Variants in RHD observed in about 807,000 individuals in gnomAD.
The protein encoded by RHD is Rh blood group D antigen, also known as blood group Rh(D) polypeptide.
A neutral mutation model predicts 45.5 loss-of-function variants in RHD; 16 were observed. The observed-to-expected ratio is 0.35, with a 90% CI of 0.24 to 0.53. The LOEUF is 0.53. Among genes scored for constraint, RHD ranks in the 20% least tolerant of loss-of-function variants. The pLI, the probability that RHD is intolerant of heterozygous loss-of-function variation, is 0.92. For synonymous variants in RHD, 131 were observed against 217.5 expected (o/e 0.60, Z 3.50); for missense variants, 306 against 532.0 (o/e 0.58, Z 4.18).
In RHD at chr1:25,289,288, G is replaced by A. The variant is rs535404967; in HGVS notation, c.336-1353G>A. Among the ~76,000 whole-genome samples the A allele has an allele frequency of 5.3e-5, 7 of 131,410 alleles. No individual in the cohort carries two copies. The East Asian group carries it at 9.8e-4, about 18-fold the overall frequency. 86.2% of individuals were successfully genotyped at this position (131,410 alleles called of 152,430 possible). ...CGGCCCACTGAAACCTCTGCCTCCC[G>A]GGTTCAAGCGACTGCCATGCCTCAG... On this transcript the variant is annotated intron_variant, in intron 2 of 9. Coordinates refer to ENST00000328664, the MANE Select transcript of RHD (RefSeq NM_016124.6).
chr1:25,300,542 G>C lies in RHD; in HGVS notation c.487-404G>C, dbSNP rs1242970425. Among the ~76,000 whole-genome samples the C allele has an allele frequency of 2.2e-4, 28 of 128,844 alleles. 5 individuals are homozygous for C. Among genetic ancestry groups the C allele is most frequent in the African/African-American group, 6.1e-4 (23 of 37,400 alleles). The allele number at this position is 128,844 out of a possible 152,430, so 84.5% of individuals were successfully genotyped here. A position where few individuals can be genotyped will look rare whatever the true frequency, so the allele number is the denominator to read the frequency against. On this transcript the variant is annotated intron_variant, in intron 3 of 9. Coordinates refer to ENST00000328664, the MANE Select transcript of RHD (RefSeq NM_016124.6). Reference sequence around the variant, plus strand: ...AAAAAAAAAAAGGCCAGGCGCAGTGGCTCATGCCTGTAATCCCAGCACTTT... The same window carrying C: ...AAAAAAAAAAAGGCCAGGCGCAGTGCCTCATGCCTGTAATCCCAGCACTTT...
At chr1:25,310,429 G>T (rs1391343960) in intron 7 of RHD, among the ~76,000 whole-genome samples, 2 of 132,458 alleles carry the variant, frequency 1.5e-5, no homozygotes, top group African/African-American at 5.1e-5. Context: ...TCACCAGATG[G>T]TGGCACCATG....
rs590813 is a variant in RHD, at chr1:25,303,436, G to A, written c.916G>A (p.Val306Ile). 4.2e-4 allele frequency: 583 copies of A among 1,378,528 alleles called. 112 individuals carry two copies. Among genetic ancestry groups the A allele is most frequent in the African/African-American group, 3.1e-3 (215 of 70,168 alleles). The allele number at this position is 1,378,528 out of a possible 1,614,324, so 85.4% of individuals were successfully genotyped here. Residue 306 changes from valine (V) to isoleucine (I), a missense_variant, in exon 6 of 10, where the codon GTC becomes ATC. Val to Ile is a conservative substitution (Grantham distance 29, BLOSUM62 3). Coordinates refer to ENST00000328664, the MANE Select transcript of RHD (RefSeq NM_016124.6). ...VLGLVAGLIS[V>I]GGAKYLPGCC... is the part of the protein sequence containing the mutation. ...GGGTCTTGTGGCTGGGCTGATCTCC[G>A]TCGGGGGAGCCAAGTACCTGCCGGT...
chr1:25,277,690 T>C (rs1641130349), intron 1 of RHD, among the ~76,000 whole-genome samples: 1 of 128,788 alleles, frequency 7.8e-6, no homozygotes, highest in South Asian at 2.4e-4. Flanking sequence ...AAAGCTTTTT[T>C]TTTGAGACAG....
At position 25,311,674 on chromosome 1, in the gene RHD, A is replaced by G. The variant is rs1238653938; in HGVS notation, c.1073+4945A>G. ...TACTGGCCCAGAGCTCTAAGAGGGC[A>G]GAATGGTTTGGAATGACCAGCTGCT... On this transcript the variant is annotated intron_variant, in intron 7 of 9. Transcript: ENST00000328664. Among the ~76,000 whole-genome samples the G allele has an allele frequency of 3.1e-5, 4 of 129,992 alleles. 1 individual carries two copies. Among genetic ancestry groups the G allele is most frequent in the Admixed American group, 3.0e-4 (4 of 13,420 alleles). 85.3% of individuals were successfully genotyped at this position (129,992 alleles called of 152,430 possible).
rs1233036577 is a variant in RHD, at chr1:25,295,621, C to T, written c.486+4830C>T. On this transcript the variant is annotated intron_variant, in intron 3 of 9. Transcript: ENST00000328664. The stretch of plus-strand genomic sequence containing the variant: ...CAGAAGTGTAACGCAGGGAAAGAGA[C>T]GAGCGGTCAAGGAGCCGAGAGGGAA... 1.2e-3 allele frequency among the ~76,000 whole-genome samples: 123 copies of T among 104,854 alleles called. 3 individuals carry two copies. The highest frequency in any genetic ancestry group is 2.1e-3 in the Admixed American group (21 of 10,090). 68.8% of individuals were successfully genotyped at this position (104,854 alleles called of 152,430 possible). A position where few individuals can be genotyped will look rare whatever the true frequency, so the allele number is the denominator to read the frequency against.
At position 25,301,431 on chromosome 1, in the gene RHD, A is replaced by G. The variant is rs1289742654; in HGVS notation, c.635-89A>G. ...CTAAGTGACAAGGCTGAGACTCTCC[A>G]GCCCTAGGATTCTCATCCAAAACCC... On this transcript the variant is annotated intron_variant, in intron 4 of 9. Transcript: ENST00000328664. 3.4e-6 allele frequency: 4 copies of G among 1,168,366 alleles called. No homozygotes were observed. In the South Asian group the frequency reaches 3.7e-5, roughly 11 times the overall value. 72.4% of individuals were successfully genotyped at this position (1,168,366 alleles called of 1,614,324 possible).
chr1:25,277,413 TA>T (rs1416058572), intron 1 of RHD, among the ~76,000 whole-genome samples: 2 of 133,222 alleles, frequency 1.5e-5, no homozygotes, highest in East Asian at 3.9e-4. Flanking sequence ...AGGCCAGACC[TA>T]CTGATCAGAA....
At chr1:25,303,007 C>T (rs185658016) in intron 5 of RHD, among the ~76,000 whole-genome samples, 1 of 130,744 alleles carries the variant, frequency 7.6e-6, no homozygotes, top group Non-Finnish European at 1.8e-5. Flanking sequence ...CCATTCTTCC[C>T]GCTGCCCAGG....
rs770219181 is a variant in RHD, at chr1:25,319,708, T to C, written c.1154-2181T>C. 3.8e-5 allele frequency among the ~76,000 whole-genome samples: 5 copies of C among 131,800 alleles called. 1 individual carries two copies. Among genetic ancestry groups the C allele is most frequent in the African/African-American group, 1.3e-4 (5 of 38,702 alleles). The allele number at this position is 131,800 out of a possible 152,430, so 86.5% of individuals were successfully genotyped here. On this transcript the variant is annotated intron_variant, in intron 8 of 9. Transcript: ENST00000328664. ...GACTCCCAGAAGACAAGCATTTAAT[T>C]TGTTAATTGAGCCCTCTATGGGCCT...
chr1:25,273,720 G>GACCTCCT (rs1269215114), intron 1 of RHD, among the ~76,000 whole-genome samples: 1 of 127,444 alleles, frequency 7.8e-6, no homozygotes, highest in Non-Finnish European at 1.8e-5. Flanking sequence ...ATATTGAAAT[G>GACCTCCT]AGTTTCAGGC....
In RHD at chr1:25,303,566, C is replaced by T. The variant is rs584143; in HGVS notation, c.939+107C>T. 1.2e-4 allele frequency: 137 copies of T among 1,146,220 alleles called. 24 individuals are homozygous for T. Among genetic ancestry groups the T allele is most frequent in the African/African-American group, 1.0e-3 (68 of 66,590 alleles). The allele number at this position is 1,146,220 out of a possible 1,614,324, so 71.0% of individuals were successfully genotyped here. On this transcript the variant is annotated intron_variant, in intron 6 of 9. Transcript: ENST00000328664. ...CACAGCTGCATTAGGCAGGTGTCGG[C>T]GCATTCTCTTATTGGCTTCAACGCC...
chr1:25,288,457 G>A (rs1191668759), intron 2 of RHD, among the ~76,000 whole-genome samples: 2 of 128,124 alleles, frequency 1.6e-5, no homozygotes, highest in African/African-American at 5.3e-5. Flanking sequence ...GAAGATTACA[G>A]GTGTGAGCCA....
chr1:25,321,398 T>C (rs1219265961), intron 8 of RHD, among the ~76,000 whole-genome samples: 1 of 121,648 alleles, frequency 8.2e-6, no homozygotes, highest in Non-Finnish European at 1.9e-5. Context: ...TGGTGGCTCA[T>C]GCCTGTAATA....
In RHD at chr1:25,275,464, G is replaced by A. The variant is rs1379126278; in HGVS notation, c.148+2769G>A. Among the ~76,000 whole-genome samples, 5 of 131,416 alleles carry A rather than the reference G, an allele frequency of 3.8e-5. 1 individual carries two copies. Among genetic ancestry groups the A allele is most frequent in the Admixed American group, 7.5e-5 (1 of 13,410 alleles). The allele number at this position is 131,416 out of a possible 152,430, so 86.2% of individuals were successfully genotyped here. A position where few individuals can be genotyped will look rare whatever the true frequency, so the allele number is the denominator to read the frequency against. On this transcript the variant is annotated intron_variant, in intron 1 of 9. Coordinates refer to ENST00000328664, the MANE Select transcript of RHD (RefSeq NM_016124.6). ...GGGCTGGTGTTGGGCACAGGGAAAG[G>A]GGCATGGCTTGAGACACCAGACCAG...
At chr1:25,286,887 GTC>G in intron 2 of RHD, among the ~76,000 whole-genome samples, 1 of 134,608 alleles carries the variant, frequency 7.4e-6, no homozygotes, top group East Asian at 1.9e-4. Flanking sequence ...GAGGTCAGGA[GTC>G]CGAGACCAAC....
chr1:25,302,670 C>A lies in RHD; in HGVS notation c.802-652C>A, dbSNP rs190329052. ...CAAGGCCCAGCTTATTGAAACTGGGCCCAGTCACACAGGGTGGCACAGGCA... is the reference window on the plus strand; with the variant it reads ...CAAGGCCCAGCTTATTGAAACTGGGACCAGTCACACAGGGTGGCACAGGCA... On this transcript the variant is annotated intron_variant, in intron 5 of 9. Transcript: ENST00000328664. Among the ~76,000 whole-genome samples the A allele has an allele frequency of 3.7e-4, 48 of 129,716 alleles. 9 individuals are homozygous for A. Among genetic ancestry groups the A allele is most frequent in the African/African-American group, 9.3e-4 (35 of 37,594 alleles). 85.1% of individuals were successfully genotyped at this position (129,716 alleles called of 152,430 possible). A position where few individuals can be genotyped will look rare whatever the true frequency, so the allele number is the denominator to read the frequency against.
At chr1:25,286,032 G>A (rs1641957105) in intron 2 of RHD, among the ~76,000 whole-genome samples, 1 of 135,208 alleles carries the variant, frequency 7.4e-6, no homozygotes, top group Non-Finnish European at 1.8e-5. Flanking sequence ...GCTCAGAGAG[G>A]GCAAGGCACT....
rs1271948912 is a variant in RHD, at chr1:25,289,990, GGAA to G, written c.336-647_336-645del. Among the ~76,000 whole-genome samples the G allele has an allele frequency of 1.6e-5, 2 of 128,764 alleles. 1 individual carries two copies. Among genetic ancestry groups the G allele is most frequent in the Non-Finnish European group, 3.6e-5 (2 of 54,800 alleles). 84.5% of individuals were successfully genotyped at this position (128,764 alleles called of 152,430 possible). A position where few individuals can be genotyped will look rare whatever the true frequency, so the allele number is the denominator to read the frequency against. On this transcript the variant is annotated intron_variant, in intron 2 of 9. Coordinates refer to ENST00000328664, the MANE Select transcript of RHD (RefSeq NM_016124.6). ...AGTCTTGGTGCTAGACACACCGATA[GGAA>G]GAATACTCCTTCACATCCCCAGGAC...
Sources: gnomAD v4.1 joint callset for allele counts (sites outside exome capture counted in the v4.1 genomes callset) on GRCh38, gnomAD v4.1.1 for gene constraint, MANE v1.5 for transcripts, NCBI Gene and HGNC (gene_info 2026-07-23, HGNC 2026-07-21) for gene names.